Variants in EIF4B observed in about 807,000 individuals in gnomAD.
EIF4B encodes the protein eukaryotic translation initiation factor 4B.
Under a neutral mutation model 79.3 loss-of-function variants are expected in EIF4B, and 8 were observed. The ratio of observed to expected loss-of-function variants is 0.10; its 90% CI spans 0.06 to 0.18. EIF4B has a LOEUF of 0.18. EIF4B is among the 10% of genes least tolerant of loss of function. EIF4B has a pLI of 1.00. For synonymous variants in EIF4B, 238 were observed against 274.7 expected (o/e 0.87, Z 1.32); for missense variants, 515 against 792.4 (o/e 0.65, Z 4.20).
chr12:53,011,131 G>A lies in EIF4B; in HGVS notation c.13+4635G>A, dbSNP rs1943057504. On this transcript the variant is annotated intron_variant, in intron 1 of 14. Coordinates refer to ENST00000262056, the MANE Select transcript of EIF4B (RefSeq NM_001417.7). ...AAATTTTAAAAATTAGCCAGGGGTG[G>A]TGGCATGTACCTGTGGTCCCAGCTA... Among the ~76,000 whole-genome samples, 3 of 151,956 alleles carry A rather than the reference G, an allele frequency of 2.0e-5. No homozygotes were observed. In the South Asian group the frequency reaches 6.2e-4, roughly 32 times the overall value.
At chr12:53,031,830 A>G (rs935145423) in intron 8 of EIF4B, among the ~76,000 whole-genome samples, 2 of 152,206 alleles carry the variant, frequency 1.3e-5, no homozygotes, top group Admixed American at 6.5e-5. Context: ...TATTTAGAGG[A>G]CAGAGTACAG....
chr12:53,013,987 C>T (rs1049388085), intron 1 of EIF4B: 1 of 151,666 alleles, frequency 6.6e-6, no homozygotes, highest in Non-Finnish European at 1.5e-5. Context: ...GTAGCAAGAC[C>T]CCTGCCTCTA....
chr12:53,038,577 G>A, intron 12 of EIF4B, 166 bp downstream of exon 12: 1 of 389,046 alleles, frequency 2.6e-6, no homozygotes, highest in Non-Finnish European at 4.5e-6. Flanking sequence ...CACTTTGGGA[G>A]GCCAAGGCGG....
At chr12:53,016,783 CTT>C (rs1411113968) in intron 2 of EIF4B, among the ~76,000 whole-genome samples, 173 bp downstream of exon 2, 6 of 152,214 alleles carry the variant, frequency 3.9e-5, no homozygotes, top group African/African-American at 1.4e-4. Context: ...GGCTGTCAGA[CTT>C]TGCAGTGAAG....
At chr12:53,015,978 CAAA>C (rs11315385) in intron 1 of EIF4B, among the ~76,000 whole-genome samples, 36 of 124,356 alleles carry the variant, frequency 2.9e-4, no homozygotes, top group Admixed American at 4.8e-4. Context: ...GACTCTGTCT[CAAA>C]AAAAAAAAAA....
intron 6 of EIF4B, 90 bp from the exon 7 acceptor site, chr12:53,027,692 A>T (rs1943360241): frequency 9.6e-6 from 14 of 1,460,096 alleles, no homozygotes; most frequent in Non-Finnish European, 1.2e-5. Flanking sequence ...TTAAATAAAC[A>T]GATTCTTCCA....
intron 1 of EIF4B, among the ~76,000 whole-genome samples, chr12:53,010,371 T>C (rs548089042): frequency 2.6e-4 from 39 of 152,348 alleles, no homozygotes; most frequent in African/African-American, 8.4e-4. Flanking sequence ...TTTTTGACTT[T>C]ACAATGGGTT....
At chr12:53,019,173 T>C (rs955330094) in intron 3 of EIF4B, among the ~76,000 whole-genome samples, 167 bp downstream of exon 3, 1 of 151,376 alleles carries the variant, frequency 6.6e-6, no homozygotes, top group South Asian at 2.1e-4. Context: ...CTGAGGCGGG[T>C]GGATCATTTG....
At chr12:53,016,867 C>T (rs1943156935) in intron 2 of EIF4B, among the ~76,000 whole-genome samples, 1 of 152,148 alleles carries the variant, frequency 6.6e-6, no homozygotes, top group Admixed American at 6.6e-5. Flanking sequence ...AGTTACTATT[C>T]TTTTGGGCCT....
chr12:53,025,289 G>A (rs1943315571), intron 6 of EIF4B: 3 of 453,772 alleles, frequency 6.6e-6, no homozygotes, highest in Admixed American at 2.4e-5. Context: ...TTGAGTCCAG[G>A]GGCATGACTT....
intron 9 of EIF4B, 41 bp downstream of exon 9, chr12:53,034,075 G>A: frequency 2.6e-6 from 4 of 1,557,398 alleles, no homozygotes; most frequent in Non-Finnish European, 3.5e-6. Flanking sequence ...GAATCCGGTG[G>A]TTCGTAATGG....
chr12:53,010,965 T>C (rs1326613555), intron 1 of EIF4B, among the ~76,000 whole-genome samples: 2 of 152,198 alleles, frequency 1.3e-5, no homozygotes, highest in Non-Finnish European at 2.9e-5. Context: ...ATTTACACTT[T>C]TAAAGTATAC....
intron 6 of EIF4B, among the ~76,000 whole-genome samples, chr12:53,024,218 A>C (rs1208266493): frequency 6.6e-6 from 1 of 152,216 alleles, no homozygotes. Context: ...ATTAAAATAC[A>C]CAAAAGTAGA....
intron 10 of EIF4B, 82 bp from the exon 11 acceptor site, chr12:53,037,327 C>A: frequency 6.8e-7 from 1 of 1,469,982 alleles, no homozygotes. Flanking sequence ...GGATGTGGAC[C>A]ATTTTCCACA....
rs186542788 is a variant in EIF4B, at chr12:53,020,985, A to C, written c.478-821A>C. Among the ~76,000 whole-genome samples the C allele has an allele frequency of 6.6e-5, 10 of 152,306 alleles. No homozygotes were observed. The East Asian group carries it at 1.3e-3, about 21-fold the overall frequency. On this transcript the variant is annotated intron_variant, in intron 4 of 14. Coordinates refer to ENST00000262056, the MANE Select transcript of EIF4B (RefSeq NM_001417.7). ...AACTATTAATATATTGTTGTGGTCC[A>C]TAGTTAAGAGTTACTTTGTTACTAG...
At chr12:53,010,323 A>G (rs1044385127) in intron 1 of EIF4B, among the ~76,000 whole-genome samples, 3 of 152,304 alleles carry the variant, frequency 2.0e-5, no homozygotes, top group Admixed American at 2.0e-4. Flanking sequence ...AACTTACCCA[A>G]TCCCCAACTA....
intron 8 of EIF4B, among the ~76,000 whole-genome samples, chr12:53,030,524 T>A (rs1039160705): frequency 2.6e-4 from 37 of 144,060 alleles, no homozygotes; most frequent in Non-Finnish European, 1.8e-4. Flanking sequence ...CAGGTTCAAG[T>A]GATTCTCCTG....
chr12:53,034,547 G>C (rs753422498), intron 9 of EIF4B, 65 bp from the exon 10 acceptor site: 18 of 1,496,846 alleles, frequency 1.2e-5, no homozygotes, highest in Non-Finnish European at 1.7e-5. Flanking sequence ...TGAGGGGTCA[G>C]CATGGGTCTA....
At position 53,008,781 on chromosome 12, in the gene EIF4B, AATCCCAGCACTTCGGG is replaced by A. The variant is rs1442738599; in HGVS notation, c.13+2287_13+2302del. The A allele has an allele frequency of 1.1e-4, 17 of 152,376 alleles. 1 individual carries two copies. Among genetic ancestry groups the A allele is most frequent in the African/African-American group, 4.1e-4 (17 of 41,588 alleles). 9.4% of individuals were successfully genotyped at this position (152,376 alleles called of 1,614,324 possible). A position where few individuals can be genotyped will look rare whatever the true frequency, so the allele number is the denominator to read the frequency against. On this transcript the variant is annotated intron_variant, in intron 1 of 14. Coordinates refer to ENST00000262056, the MANE Select transcript of EIF4B (RefSeq NM_001417.7). ...GCCGGGCGCGGTGGCTCACGCCTGT[AATCCCAGCACTTCGGG>A]AGGTCGAGGCGGGCGGATCACTAGG...
Sources: gnomAD v4.1 joint callset for allele counts (sites outside exome capture counted in the v4.1 genomes callset) on GRCh38, gnomAD v4.1.1 for gene constraint, MANE v1.5 for transcripts, NCBI Gene and HGNC (gene_info 2026-07-23, HGNC 2026-07-21) for gene names.